The following SERBP1 variants were observed in gnomAD, a reference collection of about 807,000 sequenced individuals.
SERBP1 encodes the protein SERPINE1 mRNA binding protein 1.
SERBP1 carries 6 observed loss-of-function variants against 50.2 expected under a neutral mutation model. The observed-to-expected ratio is 0.12, with a 90% CI of 0.07 to 0.24. The LOEUF (loss-of-function observed/expected upper bound fraction) is 0.24, where lower values mean the gene tolerates loss of function less well. Ranked by LOEUF, SERBP1 falls within the 10% of genes least tolerant of loss-of-function variation. The pLI, the probability that SERBP1 is intolerant of heterozygous loss-of-function variation, is 1.00. For synonymous variants in SERBP1, 168 were observed against 182.8 expected, an observed-to-expected ratio of 0.92 and a Z score of 0.65; for missense variants, 346 against 524.9, an observed-to-expected ratio of 0.66 and a Z score of 3.33.
chr1:67,414,564 G>A (rs1666945264), intron 7 of SERBP1, among the ~76,000 whole-genome samples: 1 of 152,124 alleles, frequency 6.6e-6, no homozygotes, highest in Admixed American at 6.5e-5. Context: ...CAATTACTTG[G>A]GAATTCACCA....
intron 5 of SERBP1, among the ~76,000 whole-genome samples, chr1:67,423,404 G>A (rs1411224325): frequency 1.3e-5 from 2 of 152,012 alleles, no homozygotes; most frequent in African/African-American, 4.8e-5. Flanking sequence ...CTCAGGAGTT[G>A]AAGACCAGCC....
chr1:67,428,407 G>C (rs1042761402), intron 1 of SERBP1, among the ~76,000 whole-genome samples: 3 of 152,154 alleles, frequency 2.0e-5, no homozygotes, highest in Admixed American at 2.0e-4. Flanking sequence ...TTCATGTTTT[G>C]AACATTCAAA....
At chr1:67,429,730 T>C in intron 1 of SERBP1, 1 of 396,840 alleles carries the variant, frequency 2.5e-6, no homozygotes. Flanking sequence ...GCAGCTCATC[T>C]CCGACCACGC....
chr1:67,421,311 A>C (rs753427304), intron 5 of SERBP1, among the ~76,000 whole-genome samples: 1 of 152,216 alleles, frequency 6.6e-6, no homozygotes, highest in Admixed American at 6.5e-5. Context: ...ACCTTTTATC[A>C]TATCATGGAG....
At position 67,430,178 on chromosome 1, in the gene SERBP1, G is replaced by C. The variant is rs11548132; in HGVS notation, c.123C>G (p.Ala41=). 4 of 1,610,734 alleles carry C rather than the reference G, an allele frequency of 2.5e-6. No homozygotes were observed. Among genetic ancestry groups the C allele is most frequent in the Non-Finnish European group, 1.7e-6 (2 of 1,179,574 alleles). The change falls in exon 1 of 8, where the codon GCC becomes GCG. Residue 41 remains alanine, a synonymous_variant. Transcript: ENST00000361219. ...LKAAENKKKE[A]GGGGVGGPGA... is the part of the protein sequence containing the mutation. ...CAGGGCCCCCAACGCCGCCCCCGCCGGCTTCTTTTTTCTTGTTCTCTGCTG... is the reference window on the plus strand; with the variant it reads ...CAGGGCCCCCAACGCCGCCCCCGCCCGCTTCTTTTTTCTTGTTCTCTGCTG...
rs889532027 is a variant in SERBP1, at chr1:67,418,704, A to G, written c.951+1305T>C. Among the ~76,000 whole-genome samples, 3 of 152,184 alleles carry G rather than the reference A, an allele frequency of 2.0e-5. No homozygotes were observed. The East Asian group carries it at 5.8e-4, about 29-fold the overall frequency. On this transcript the variant is annotated intron_variant, in intron 6 of 7. Coordinates refer to ENST00000361219, the MANE Select transcript of SERBP1 (RefSeq NM_001018069.2). ...AATCCGGGAGGTGGAGGTTGCGGTA[A>G]GCAGAGATGGTGCCACTGCATTCCA...
rs539045202 is a variant in SERBP1 at position 67,409,827 on chromosome 1, C to T, written c.*3380G>A. On this transcript the variant is annotated 3_prime_UTR_variant, in exon 8 of 8. Coordinates refer to ENST00000361219, the MANE Select transcript of SERBP1 (RefSeq NM_001018069.2). ...ATGATATTGATAAATCATTTAATTACTATGGTCCAGTTCAAATATGTATCA... is the reference window on the plus strand; with the variant it reads ...ATGATATTGATAAATCATTTAATTATTATGGTCCAGTTCAAATATGTATCA... The T allele has an allele frequency of 6.6e-6, 1 of 152,284 alleles. No individual in the cohort carries two copies. Among genetic ancestry groups the T allele is most frequent in the Admixed American group, 6.5e-5 (1 of 15,292 alleles). The allele number at this position is 152,284 out of a possible 1,614,324, so 9.4% of individuals were successfully genotyped here.
chr1:67,413,772 C>T (rs1309631431), intron 7 of SERBP1, among the ~76,000 whole-genome samples: 1 of 152,222 alleles, frequency 6.6e-6, no homozygotes, highest in East Asian at 1.9e-4. Context: ...CTACCAAGGC[C>T]TATTTTCATT....
At chr1:67,416,010 CCT>C (rs1491378520) in intron 6 of SERBP1, among the ~76,000 whole-genome samples, 3 of 122,116 alleles carry the variant, frequency 2.5e-5, no homozygotes, top group South Asian at 3.0e-4. Context: ...GTCACAGGAA[CCT>C]TTTTTTTTTT....
chr1:67,427,129 T>G (rs1481660651), intron 1 of SERBP1, among the ~76,000 whole-genome samples: 1 of 140,990 alleles, frequency 7.1e-6, no homozygotes, highest in Non-Finnish European at 1.5e-5. Flanking sequence ...ACAACTATCT[T>G]TATTTTCAAA....
intron 5 of SERBP1, 122 bp downstream of exon 5, chr1:67,424,078 A>C (rs1029669797): frequency 1.1e-6 from 1 of 949,816 alleles, no homozygotes; most frequent in Non-Finnish European, 1.5e-6. Context: ...GGGTACAGTA[A>C]GTCTCCCTTG....
Position 67,415,236 on chromosome 1 carries a change from C to T in SERBP1, c.1055G>A (p.Arg352His). Residue 352 changes from arginine (R) to histidine (H), a missense_variant, in exon 7 of 8, where the codon CGT becomes CAT. This residue lies in a region of SERBP1 where 68 missense variants were observed against 97.3 expected (regional missense o/e 0.70). Coordinates refer to ENST00000361219, the MANE Select transcript of SERBP1 (RefSeq NM_001018069.2). ...INFGDLGRPG[R>H]GGRGGRGGRG... is the part of the protein sequence containing the mutation. ...TCCACCTCGTCCTCCCCTGCCGCCA[C>T]GTCCTGGGCGGCCAAGGTCTCCAAA... The T allele has an allele frequency of 1.2e-6, 2 of 1,613,240 alleles. No individual in the cohort carries two copies. The highest frequency in any genetic ancestry group is 1.7e-6 in the Non-Finnish European group (2 of 1,179,556).
intron 5 of SERBP1, among the ~76,000 whole-genome samples, chr1:67,421,175 T>C (rs893174637): frequency 1.3e-5 from 2 of 152,074 alleles, no homozygotes; most frequent in African/African-American, 4.8e-5. Flanking sequence ...TTATATTGAA[T>C]TGACAGGATC....
At chr1:67,421,792 G>A (rs1398205226) in intron 5 of SERBP1, among the ~76,000 whole-genome samples, 1 of 151,972 alleles carries the variant, frequency 6.6e-6, no homozygotes, top group Non-Finnish European at 1.5e-5. Flanking sequence ...TGTCTCTACT[G>A]AAAATACAAA....
rs187830292 is a variant in SERBP1 at position 67,418,496 on chromosome 1, G to A, written c.951+1513C>T. Among the ~76,000 whole-genome samples the A allele has an allele frequency of 3.3e-4, 50 of 152,162 alleles. No individual in the cohort carries two copies. In the East Asian group the frequency reaches 7.8e-3, roughly 24 times the overall value. ...TTATTGGCTGGGCATGGTGGCACAC[G>A]CCTATAATCCCAGCACTTTGGGAGG... On this transcript the variant is annotated intron_variant, in intron 6 of 7. Coordinates refer to ENST00000361219, the MANE Select transcript of SERBP1 (RefSeq NM_001018069.2).
chr1:67,417,511 T>A (rs998772447), intron 6 of SERBP1, among the ~76,000 whole-genome samples: 3 of 151,916 alleles, frequency 2.0e-5, no homozygotes, highest in African/African-American at 7.3e-5. Context: ...TCCTTTTTTT[T>A]TTTCTTTTTT....
intron 6 of SERBP1, among the ~76,000 whole-genome samples, chr1:67,418,479 T>C (rs1279366219): frequency 3.9e-5 from 6 of 152,156 alleles, no homozygotes; most frequent in Admixed American, 1.3e-4. Context: ...GCTTATTGGC[T>C]GGGCATGGTG....
chr1:67,416,312 T>C (rs1052398665), intron 6 of SERBP1, among the ~76,000 whole-genome samples: 3 of 152,210 alleles, frequency 2.0e-5, no homozygotes, highest in African/African-American at 4.8e-5. Flanking sequence ...CATGCCCAGC[T>C]AGAAACTTCT....
At chr1:67,424,837 GGATTAA>G in intron 4 of SERBP1, 45 bp downstream of exon 4, 1 of 1,355,182 alleles carries the variant, frequency 7.4e-7, no homozygotes, top group Non-Finnish European at 1.1e-6. Context: ...ACAGAGGTAT[GGATTAA>G]CCTCTAGTTA....
Sources: gnomAD v4.1 joint callset for allele counts (sites outside exome capture counted in the v4.1 genomes callset) on GRCh38, gnomAD v4.1.1 for gene constraint, gnomAD v4.1.1 regional missense constraint, MANE v1.5 for transcripts, NCBI Gene and HGNC (gene_info 2026-07-23, HGNC 2026-07-21) for gene names.